SLC1A4: variants seen among roughly 807,000 people sequenced by gnomAD.
The protein encoded by SLC1A4 is solute carrier family 1 member 4.
In SLC1A4, 19 loss-of-function variants were observed where a neutral mutation model predicts 37.7. That is an observed-to-expected ratio of 0.50 (90% confidence interval 0.35 to 0.74). SLC1A4 has a LOEUF of 0.74. SLC1A4 is among the 30% of genes least tolerant of loss of function. The pLI, the probability that SLC1A4 is intolerant of heterozygous loss-of-function variation, is 0.01. For missense variants in SLC1A4, 570 were observed against 712.9 expected (o/e 0.80, Z 2.28); for synonymous variants, 299 against 309.8 (o/e 0.97, Z 0.37).
At chr2:64,990,196 C>A in intron 1 of SLC1A4, 26 bp downstream of exon 1, 2 of 1,548,518 alleles carry the variant, frequency 1.3e-6, no homozygotes, top group Non-Finnish European at 1.7e-6. Flanking sequence ...TCTCCCAGGG[C>A]CCAGTGGGAG....
intron 3 of SLC1A4, among the ~76,000 whole-genome samples, chr2:65,007,872 T>C (rs978934393): frequency 6.6e-6 from 1 of 152,206 alleles, no homozygotes. Flanking sequence ...AAATGTACAG[T>C]AAATTATTGT....
intron 7 of SLC1A4, among the ~76,000 whole-genome samples, chr2:65,019,171 C>T (rs976235189): frequency 3.3e-5 from 5 of 152,282 alleles, no homozygotes; most frequent in South Asian, 2.1e-4. Context: ...GTGATCCAGA[C>T]CACATCTCTG....
intron 4 of SLC1A4, among the ~76,000 whole-genome samples, chr2:65,015,863 C>T (rs1260258021): frequency 6.6e-6 from 1 of 152,252 alleles, no homozygotes; most frequent in African/African-American, 2.4e-5. Flanking sequence ...ACAGTCCATT[C>T]CTTCCCATCC....
At position 65,022,130 on chromosome 2, in the gene SLC1A4, A is replaced by G. The variant is rs1240546408; in HGVS notation, c.*984A>G. 6.6e-6 allele frequency: 1 copy of G among 152,298 alleles called. No individual in the cohort carries two copies. The highest frequency in any genetic ancestry group is 1.5e-5 in the Non-Finnish European group (1 of 68,064). The allele number at this position is 152,298 out of a possible 1,614,324, so 9.4% of individuals were successfully genotyped here. A position where few individuals can be genotyped will look rare whatever the true frequency, so the allele number is the denominator to read the frequency against. The stretch of plus-strand genomic sequence containing the variant: ...GACACTCTGTAAAATGCTGCACTGC[A>G]GCAAAAACAAAACCACCACCACCCC... On this transcript the variant is annotated 3_prime_UTR_variant, in exon 8 of 8. Transcript: ENST00000234256.
intron 7 of SLC1A4, among the ~76,000 whole-genome samples, chr2:65,020,383 C>T (rs1404228631): frequency 2.6e-5 from 4 of 152,324 alleles, no homozygotes; most frequent in Non-Finnish European, 5.9e-5. Flanking sequence ...CCCCCCACCT[C>T]AGCCTCCTGA....
Position 64,990,104 on chromosome 2 carries a change from G to A in SLC1A4, c.461G>A (p.Gly154Glu). The A allele has an allele frequency of 6.2e-7, 1 of 1,610,846 alleles. No homozygotes were observed. The highest frequency in any genetic ancestry group is 8.5e-7 in the Non-Finnish European group (1 of 1,178,818). Residue 154 changes from glycine (G) to glutamate (E), a missense_variant, in exon 1 of 8, where the codon GGG becomes GAG. Transcript: ENST00000234256. ...GAQTLQSSDL[G>E]LEDSGPPPVP... The stretch of plus-strand genomic sequence containing the variant: ...CAGACCCTTCAGTCCAGCGACCTGG[G>A]GCTGGAGGACTCGGGGCCTCCTCCT...
intron 3 of SLC1A4, among the ~76,000 whole-genome samples, chr2:65,006,467 G>A (rs1253373298): frequency 6.6e-6 from 1 of 152,158 alleles, no homozygotes. Context: ...ACTCCAGCCT[G>A]GGCAACAGAG....
chr2:65,008,631 AC>A (rs1384239590), intron 3 of SLC1A4, among the ~76,000 whole-genome samples: 1 of 151,904 alleles, frequency 6.6e-6, no homozygotes, highest in Non-Finnish European at 1.5e-5. Context: ...ACAGGGTATA[AC>A]CCTGTCTCCA....
chr2:64,990,215 T>C (rs1673002823), intron 1 of SLC1A4, 45 bp downstream of exon 1: 1 of 1,494,702 alleles, frequency 6.7e-7, no homozygotes, highest in Non-Finnish European at 9.0e-7. Flanking sequence ...AGACGCCAGT[T>C]CTCGGATGCC....
rs560805026 is a variant in SLC1A4, at chr2:64,998,314, G to C, written c.528-3134G>C. On this transcript the variant is annotated intron_variant, in intron 1 of 7. Coordinates refer to ENST00000234256, the MANE Select transcript of SLC1A4 (RefSeq NM_003038.5). ...TGCACACCTGTAGTCCCAACTATTC[G>C]GGAAGCTGAGGCAGGAGAATCTTTT... Among the ~76,000 whole-genome samples, 59 of 151,836 alleles carry C rather than the reference G, an allele frequency of 3.9e-4. 1 individual carries two copies. The South Asian group carries it at 0.012, about 31-fold the overall frequency.
chr2:64,988,757 C>T (rs1558509146), upstream of SLC1A4: 1 of 152,288 alleles, frequency 6.6e-6, no homozygotes, highest in Non-Finnish European at 1.5e-5. Flanking sequence ...CCCTGAGGAC[C>T]CCTGGAAGAA....
chr2:64,993,100 G>A (rs548047527), intron 1 of SLC1A4, among the ~76,000 whole-genome samples: 1 of 152,368 alleles, frequency 6.6e-6, no homozygotes, highest in African/African-American at 2.4e-5. Context: ...TGAATGAAAT[G>A]AGACTCTGCC....
At chr2:65,017,789 G>A (rs759671330) in intron 5 of SLC1A4, among the ~76,000 whole-genome samples, 4 of 152,152 alleles carry the variant, frequency 2.6e-5, no homozygotes, top group Admixed American at 6.5e-5. Flanking sequence ...GTTTTGCACC[G>A]GGAGGCAATG....
chr2:65,002,851 C>G (rs926781903), intron 2 of SLC1A4, among the ~76,000 whole-genome samples: 1 of 152,158 alleles, frequency 6.6e-6, no homozygotes, highest in Non-Finnish European at 1.5e-5. Flanking sequence ...GCTGGGATTA[C>G]AGGCGTGAGC....
At chr2:65,009,383 AAAAAAAAG>A (rs1472619655) in intron 3 of SLC1A4, among the ~76,000 whole-genome samples, 1 of 123,370 alleles carries the variant, frequency 8.1e-6, no homozygotes, top group Non-Finnish European at 2.0e-5. Flanking sequence ...CAAAAAGAAA[AAAAAAAAG>A]AAAAGAAAGA....
Position 65,003,850 on chromosome 2 carries a change from G to A in SLC1A4, c.571-103G>A. 4.8e-6 allele frequency: 4 copies of A among 825,832 alleles called. No homozygotes were observed. The South Asian group carries it at 5.9e-5, about 12-fold the overall frequency. 51.2% of individuals were successfully genotyped at this position (825,832 alleles called of 1,614,324 possible). The stretch of plus-strand genomic sequence containing the variant: ...GAGGAATGCCCAGGACACTCAGTGT[G>A]AACAGTGACAGAAGTACCAAGAGTG... On this transcript the variant is annotated intron_variant, in intron 2 of 7. Transcript: ENST00000234256.
In SLC1A4 at chr2:65,022,280, G is replaced by A. The variant is rs1239244754; in HGVS notation, c.*1134G>A. Reference sequence around the variant, plus strand: ...AGTACATCCAAGTTTAAAATTATCAGCGAAATGGTCCATGTTTTTCCAATT... The same window carrying A: ...AGTACATCCAAGTTTAAAATTATCAACGAAATGGTCCATGTTTTTCCAATT... On this transcript the variant is annotated 3_prime_UTR_variant, in exon 8 of 8. Coordinates refer to ENST00000234256, the MANE Select transcript of SLC1A4 (RefSeq NM_003038.5). 6.6e-6 allele frequency: 1 copy of A among 152,214 alleles called. No individual in the cohort carries two copies. 9.4% of individuals were successfully genotyped at this position (152,214 alleles called of 1,614,324 possible).
At position 64,990,147 on chromosome 2, in the gene SLC1A4, G is replaced by A. The variant is rs1672998948; in HGVS notation, c.504G>A (p.Val168=). The change falls in exon 1 of 8, where the codon GTG becomes GTA. Residue 168 remains valine, a synonymous_variant. Transcript: ENST00000234256. ...SGPPPVPKET[V]DSFLDLARNL... ...CTCCTCCTGTCCCCAAAGAGACGGT[G>A]GACTCTTTCCTCGACCTGGCCAGGT... The A allele has an allele frequency of 5.0e-6, 8 of 1,608,180 alleles. No individual in the cohort carries two copies. In the South Asian group the frequency reaches 8.9e-5, roughly 18 times the overall value.
intron 1 of SLC1A4, among the ~76,000 whole-genome samples, chr2:64,993,925 G>A (rs920470179): frequency 3.3e-5 from 5 of 152,162 alleles, no homozygotes; most frequent in Admixed American, 2.6e-4. Flanking sequence ...TAGAGTGATT[G>A]GGTTTTCCAG....
Sources: gnomAD v4.1 joint callset for allele counts (sites outside exome capture counted in the v4.1 genomes callset) on GRCh38, gnomAD v4.1.1 for gene constraint, MANE v1.5 for transcripts, NCBI Gene and HGNC (gene_info 2026-07-23, HGNC 2026-07-21) for gene names.